TAPT1: variants seen among roughly 807,000 people sequenced by gnomAD.
The protein encoded by TAPT1 is transmembrane anterior posterior transformation protein 1 homolog.
TAPT1 carries 28 observed loss-of-function variants against 65.6 expected under a neutral mutation model. That is an observed-to-expected ratio of 0.43 (90% CI 0.32 to 0.59). TAPT1 has a LOEUF of 0.59. TAPT1 is among the 20% of genes least tolerant of loss of function. TAPT1 has a pLI of 0.09. For missense variants in TAPT1, 563 were observed against 679.9 expected, an observed-to-expected ratio of 0.83 and a Z score of 1.91; for synonymous variants, 278 against 245.2, an observed-to-expected ratio of 1.13 and a Z score of -1.25.
intron 9 of TAPT1, 87 bp downstream of exon 9, chr4:16,176,032 T>A: frequency 1.6e-6 from 1 of 608,894 alleles, no homozygotes; most frequent in Non-Finnish European, 2.7e-6. Context: ...CCTTAAAGTA[T>A]TAACAAACTC....
chr4:16,184,306 A>G (rs1170372410), intron 7 of TAPT1, among the ~76,000 whole-genome samples: 1 of 152,170 alleles, frequency 6.6e-6, no homozygotes, highest in Non-Finnish European at 1.5e-5. Context: ...TGCTCAACAT[A>G]ATGCTTCTGA....
At chr4:16,191,292 A>G (rs539557427) in intron 4 of TAPT1, 69 bp downstream of exon 4, 4 of 1,463,476 alleles carry the variant, frequency 2.7e-6, no homozygotes, top group Non-Finnish European at 3.7e-6. Flanking sequence ...ACTCTCAGGT[A>G]CCTTCAGAAC....
In TAPT1 at chr4:16,179,721, ATAAT is replaced by A. The variant is rs1024099581; in HGVS notation, c.917-68_917-65del. 181 of 807,196 alleles carry A rather than the reference ATAAT, an allele frequency of 2.2e-4. 1 individual carries two copies. The highest frequency in any genetic ancestry group is 1.1e-3 in the Middle Eastern group (3 of 2,716). 50.0% of individuals were successfully genotyped at this position (807,196 alleles called of 1,614,324 possible). On this transcript the variant is annotated intron_variant, in intron 7 of 13. Coordinates refer to ENST00000405303, the MANE Select transcript of TAPT1 (RefSeq NM_153365.3). Reference sequence around the variant, plus strand: ...ATAAACAACATAATAAAGTACATATATAATTATTTTAGCCAGAACATGATGAAAT... The same window carrying A: ...ATAAACAACATAATAAAGTACATATATATTTTAGCCAGAACATGATGAAAT...
At chr4:16,179,335 T>A (rs1748564243) in intron 8 of TAPT1, 1 of 398,452 alleles carries the variant, frequency 2.5e-6, no homozygotes, top group Non-Finnish European at 4.6e-6. Context: ...AAAAGGACAC[T>A]AGGAGACCAG....
intron 1 of TAPT1, among the ~76,000 whole-genome samples, chr4:16,223,710 C>T (rs754408991): frequency 1.9e-4 from 29 of 152,152 alleles, no homozygotes; most frequent in African/African-American, 6.3e-4. Flanking sequence ...AGAGCATATA[C>T]AGCTATTCAT....
intron 3 of TAPT1, among the ~76,000 whole-genome samples, chr4:16,202,162 G>C (rs1049182569): frequency 2.6e-5 from 4 of 152,050 alleles, no homozygotes; most frequent in African/African-American, 9.7e-5. Context: ...GTGATAAGTA[G>C]GTCTTTGACT....
intron 1 of TAPT1, among the ~76,000 whole-genome samples, chr4:16,216,971 A>G (rs1344346377): frequency 6.6e-6 from 1 of 152,098 alleles, no homozygotes; most frequent in Non-Finnish European, 1.5e-5. Context: ...GTCATGCTTC[A>G]CACCTGCCTC....
chr4:16,166,487 G>T, intron 13 of TAPT1, 146 bp downstream of exon 13: 1 of 933,128 alleles, frequency 1.1e-6, no homozygotes. Context: ...GGTATATATG[G>T]GATGAAATCT....
chr4:16,193,819 C>A (rs999075151), intron 3 of TAPT1, among the ~76,000 whole-genome samples: 5 of 152,010 alleles, frequency 3.3e-5, no homozygotes, highest in African/African-American at 1.2e-4. Context: ...CAGTCATGGG[C>A]TTTTGTGTTT....
intron 13 of TAPT1, 139 bp downstream of exon 13, chr4:16,166,494 A>T (rs1747629583): frequency 2.0e-6 from 2 of 1,021,362 alleles, no homozygotes; most frequent in East Asian, 5.0e-5. Flanking sequence ...ATGGGATGAA[A>T]TCTAAAACAC....
At chr4:16,179,802 ATGTGTGTGTGTGTG>A in intron 7 of TAPT1, 145 bp from the exon 8 acceptor site, 5 of 309,440 alleles carry the variant, frequency 1.6e-5, no homozygotes, top group East Asian at 5.6e-5. Flanking sequence ...ATATATATAT[ATGTGTGTGTGTGTG>A]TGTGTGTGTG....
chr4:16,203,051 A>C (rs73130445), intron 2 of TAPT1, among the ~76,000 whole-genome samples: 26,682 of 152,164 alleles, frequency 0.18, 2,859 homozygotes, highest in East Asian at 0.31. Flanking sequence ...AGAAGGCCTT[A>C]TTCTTAATTC....
chr4:16,213,741 T>A (rs748755711), intron 2 of TAPT1, 27 bp downstream of exon 2: 46 of 1,519,430 alleles, frequency 3.0e-5, no homozygotes, highest in Non-Finnish European at 3.9e-5. Flanking sequence ...TTCAAAATGA[T>A]GTCTGGTAAT....
At chr4:16,198,304 T>C (rs1314155875) in intron 3 of TAPT1, among the ~76,000 whole-genome samples, 1 of 152,208 alleles carries the variant, frequency 6.6e-6, no homozygotes, top group East Asian at 1.9e-4. Flanking sequence ...ACAAATGCTG[T>C]ACAAGATGTA....
intron 3 of TAPT1, among the ~76,000 whole-genome samples, chr4:16,197,097 G>A (rs527678388): frequency 6.6e-6 from 1 of 152,274 alleles, no homozygotes; most frequent in Admixed American, 6.5e-5. Flanking sequence ...CAAAAGGTTA[G>A]GAAACTCTCA....
At chr4:16,207,399 G>A (rs1334120757) in intron 2 of TAPT1, among the ~76,000 whole-genome samples, 1 of 152,132 alleles carries the variant, frequency 6.6e-6, no homozygotes, top group East Asian at 1.9e-4. Flanking sequence ...GACATTTGAA[G>A]TCCGTTCGTT....
At chr4:16,184,590 G>C (rs995663023) in intron 7 of TAPT1, among the ~76,000 whole-genome samples, 3 of 152,150 alleles carry the variant, frequency 2.0e-5, no homozygotes, top group African/African-American at 7.2e-5. Flanking sequence ...TCACGCCATC[G>C]ATGCCTGAGT....
rs932587692 is a variant in TAPT1, at chr4:16,226,054, G to A, written c.199+205C>T. 168 of 1,013,174 alleles carry A rather than the reference G, an allele frequency of 1.7e-4. 1 individual carries two copies. In the African/African-American group the frequency reaches 1.9e-3, roughly 12 times the overall value. The allele number at this position is 1,013,174 out of a possible 1,614,324, so 62.8% of individuals were successfully genotyped here. A position where few individuals can be genotyped will look rare whatever the true frequency, so the allele number is the denominator to read the frequency against. On this transcript the variant is annotated intron_variant, in intron 1 of 13. Coordinates refer to ENST00000405303, the MANE Select transcript of TAPT1 (RefSeq NM_153365.3). Reference sequence around the variant, plus strand: ...CTGGCGCGGCCGCGGGGGCCTCGGGGCTGCGCGCGCAACCCGCCCGAGGAA... The same window carrying A: ...CTGGCGCGGCCGCGGGGGCCTCGGGACTGCGCGCGCAACCCGCCCGAGGAA...
At chr4:16,226,943 G>T (rs1192116971), upstream of TAPT1, 10 of 399,356 alleles carry the variant, frequency 2.5e-5, 1 homozygote, top group South Asian at 1.3e-4. Flanking sequence ...CAGACTCGGT[G>T]CCCGGAGTGC....
Sources: allele counts gnomAD v4.1 joint callset (sites outside exome capture counted in the v4.1 genomes callset), GRCh38; gene constraint gnomAD v4.1.1; transcripts MANE v1.5; gene names NCBI Gene and HGNC (gene_info 2026-07-23, HGNC 2026-07-21).